The following SCGB2B2 variants were observed in gnomAD, a reference collection of about 807,000 sequenced individuals.
The protein encoded by SCGB2B2 is secretoglobin-like protein.
Under a neutral mutation model 7.6 loss-of-function variants are expected in SCGB2B2, and 11 were observed. The observed-to-expected ratio is 1.45, with a 90% confidence interval of 0.91 to 2.40. SCGB2B2 has a LOEUF of 2.40. Ranked by LOEUF, SCGB2B2 falls within the 30% of genes most tolerant of loss-of-function variation. The pLI is 0.00. For synonymous variants in SCGB2B2, 50 were observed against 48.6 expected (o/e 1.03, Z -0.12); for missense variants, 104 against 115.4 (o/e 0.90, Z 0.45).
At chr19:34,589,083 G>A (rs1052102565), downstream of SCGB2B2, among the ~76,000 whole-genome samples, 1 of 152,128 alleles carries the variant, frequency 6.6e-6, no homozygotes, top group South Asian at 2.1e-4. Context: ...GTGTGGTGAC[G>A]TGATGAGACC....
chr19:34,637,664 T>C (rs2066723518), intron 1 of SCGB2B2: 2 of 153,904 alleles, frequency 1.3e-5, no homozygotes, highest in Non-Finnish European at 2.9e-5. Flanking sequence ...ATAATAAATA[T>C]TTTGTGTTAT....
chr19:34,669,356 G>A (rs1375776030), intron 1 of SCGB2B2, among the ~76,000 whole-genome samples: 15 of 152,124 alleles, frequency 9.9e-5, no homozygotes, highest in Admixed American at 8.5e-4. Context: ...TAATTTTCAC[G>A]AAAGCTGCAC....
chr19:34,644,718 T>G (rs1190935914), intron 1 of SCGB2B2, among the ~76,000 whole-genome samples: 1 of 152,208 alleles, frequency 6.6e-6, no homozygotes, highest in African/African-American at 2.4e-5. Flanking sequence ...ATAGAAAAAG[T>G]TCATCTTTTT....
rs1168145762 is a variant in SCGB2B2 at position 34,590,703 on chromosome 19, A to G, written c.*2852T>C. The stretch of plus-strand genomic sequence containing the variant: ...TTATACCAACAATACAGAGATCATC[A>G]CATATCATTAAGAATAACAGAGTCG... On this transcript the variant is annotated 3_prime_UTR_variant, in exon 4 of 4. Coordinates refer to ENST00000601241, the MANE Select transcript of SCGB2B2 (RefSeq NM_001025591.4). 6.6e-6 allele frequency among the ~76,000 whole-genome samples: 1 copy of G among 152,114 alleles called. No homozygotes were observed. The highest frequency in any genetic ancestry group is 2.4e-5 in the African/African-American group (1 of 41,422).
At chr19:34,629,335 T>G (rs2066464546) in intron 1 of SCGB2B2, among the ~76,000 whole-genome samples, 1 of 151,980 alleles carries the variant, frequency 6.6e-6, no homozygotes, top group African/African-American at 2.4e-5. Flanking sequence ...AAATTGCCCC[T>G]GTTTGCAGAT....
chr19:34,588,483 G>A (rs2065228526), downstream of SCGB2B2, among the ~76,000 whole-genome samples: 1 of 152,196 alleles, frequency 6.6e-6, no homozygotes, highest in Admixed American at 6.5e-5. Context: ...AGTGGCACCA[G>A]GAAATGCTTC....
At chr19:34,631,264 T>C (rs542051368) in intron 1 of SCGB2B2, among the ~76,000 whole-genome samples, 13 of 151,222 alleles carry the variant, frequency 8.6e-5, no homozygotes, top group Admixed American at 3.3e-4. Context: ...TAAAGTGTAA[T>C]AAAAAAAGAG....
intron 1 of SCGB2B2, among the ~76,000 whole-genome samples, chr19:34,668,547 T>C (rs2067705461): frequency 6.6e-6 from 1 of 152,196 alleles, no homozygotes; most frequent in South Asian, 2.1e-4. Flanking sequence ...GGCGCGGGAC[T>C]GGCAGGCAGC....
intron 1 of SCGB2B2, among the ~76,000 whole-genome samples, chr19:34,655,147 T>C (rs889662900): frequency 1.3e-5 from 2 of 151,236 alleles, no homozygotes; most frequent in Non-Finnish European, 2.9e-5. Context: ...ACCCCTCCTC[T>C]TGGCCAATGG....
At chr19:34,631,493 G>C (rs1160930681) in intron 1 of SCGB2B2, among the ~76,000 whole-genome samples, 3 of 151,976 alleles carry the variant, frequency 2.0e-5, no homozygotes, top group African/African-American at 7.2e-5. Context: ...TACTAACAAT[G>C]ACTAATTTAA....
At chr19:34,593,694 CCT>C in intron 3 of SCGB2B2, 95 bp from the exon 4 acceptor site, 1 of 971,746 alleles carries the variant, frequency 1.0e-6, no homozygotes, top group Non-Finnish European at 1.6e-6. Context: ...CAGAGGAGCT[CCT>C]TGAGTGTGTC....
chr19:34,597,186 A>T (rs571583497), intron 1 of SCGB2B2, among the ~76,000 whole-genome samples: 2 of 152,128 alleles, frequency 1.3e-5, no homozygotes, highest in East Asian at 3.9e-4. Flanking sequence ...CTCAAGTGCC[A>T]TGAGAGGAAG....
At chr19:34,664,383 G>A (rs1261210551) in intron 1 of SCGB2B2, among the ~76,000 whole-genome samples, 5 of 152,234 alleles carry the variant, frequency 3.3e-5, no homozygotes, top group African/African-American at 9.6e-5. Flanking sequence ...TCCCAAAACT[G>A]GGGGTTAGAG....
At chr19:34,630,871 C>G (rs2066510123) in intron 1 of SCGB2B2, among the ~76,000 whole-genome samples, 1 of 151,712 alleles carries the variant, frequency 6.6e-6, no homozygotes, top group Admixed American at 6.6e-5. Flanking sequence ...ACCCAAATGT[C>G]CAATAATGAT....
chr19:34,611,672 T>C lies in SCGB2B2; in HGVS notation c.-2031-15078A>G, dbSNP rs8106471. 3.2e-3 allele frequency among the ~76,000 whole-genome samples: 475 copies of C among 150,338 alleles called. 1 individual carries two copies. Among genetic ancestry groups the C allele is most frequent in the African/African-American group, 0.011 (453 of 40,900 alleles). On this transcript the variant is annotated intron_variant, in intron 1 of 3. Transcript: ENST00000601241. ...TTTACTATTTTTTTTTTTTTTGGGA[T>C]GAAGTCTCGCAGTGTTGCCCAGGCT...
At chr19:34,660,293 T>C (rs1417058693) in intron 1 of SCGB2B2, among the ~76,000 whole-genome samples, 4 of 152,178 alleles carry the variant, frequency 2.6e-5, no homozygotes, top group African/African-American at 4.8e-5. Flanking sequence ...TGGGATCTAA[T>C]TGAACTAAAG....
At chr19:34,622,515 C>A (rs773848043) in intron 1 of SCGB2B2, among the ~76,000 whole-genome samples, 2 of 152,154 alleles carry the variant, frequency 1.3e-5, no homozygotes, top group African/African-American at 4.8e-5. Context: ...AGGAAATGGG[C>A]TTAATCATTT....
In SCGB2B2 at chr19:34,591,173, G is replaced by C. The variant is rs964804869; in HGVS notation, c.*2382C>G. The stretch of plus-strand genomic sequence containing the variant: ...GTCCCGTCCTCCTGGATAGCTAATG[G>C]ATGTCTTGGATGTGGGAAACTTATC... On this transcript the variant is annotated 3_prime_UTR_variant, in exon 4 of 4. Coordinates refer to ENST00000601241, the MANE Select transcript of SCGB2B2 (RefSeq NM_001025591.4). 6.6e-6 allele frequency among the ~76,000 whole-genome samples: 1 copy of C among 152,168 alleles called. No individual in the cohort carries two copies. Among genetic ancestry groups the C allele is most frequent in the Non-Finnish European group, 1.5e-5 (1 of 68,030 alleles).
chr19:34,674,484 G>A (rs1477402436), intron 1 of SCGB2B2, among the ~76,000 whole-genome samples: 1 of 152,150 alleles, frequency 6.6e-6, no homozygotes, highest in Non-Finnish European at 1.5e-5. Flanking sequence ...ATATTATGAA[G>A]CAACTATACC....
Sources: gnomAD v4.1 joint callset for allele counts (sites outside exome capture counted in the v4.1 genomes callset) on GRCh38, gnomAD v4.1.1 for gene constraint, MANE v1.5 for transcripts, NCBI Gene and HGNC (gene_info 2026-07-23, HGNC 2026-07-21) for gene names.